EIF1AD: variants seen among roughly 807,000 people sequenced by gnomAD.
The protein encoded by EIF1AD is eukaryotic translation initiation factor 1A domain containing, also known as probable RNA-binding protein EIF1AD.
A neutral mutation model predicts 21.7 loss-of-function variants in EIF1AD; 9 were observed. The observed-to-expected ratio is 0.41, with a 90% CI of 0.25 to 0.72. EIF1AD has a LOEUF of 0.72. EIF1AD is among the 30% of genes least tolerant of loss of function. The pLI is 0.29. For missense variants in EIF1AD, 164 were observed against 199.7 expected (o/e 0.82, Z 1.08); for synonymous variants, 78 against 70.9 (o/e 1.10, Z -0.50).
chr11:65,999,583 G>A lies in EIF1AD; in HGVS notation c.289C>T (p.Gln97Ter). The A allele has an allele frequency of 1.9e-6, 3 of 1,613,596 alleles. No homozygotes were observed. Among genetic ancestry groups the A allele is most frequent in the Non-Finnish European group, 2.5e-6 (3 of 1,179,750 alleles). The change falls in exon 4 of 6, where the codon CAG becomes TAG. Residue 97 changes from glutamine to a stop codon, truncating the protein, a stop_gained. Coordinates refer to ENST00000533544, the MANE Select transcript of EIF1AD (RefSeq NM_001242481.2). LOFTEE classifies it high-confidence loss of function. ...ACCACCTACCAAAACCCCTCCTTCT[G>A]CAGAGAGCGCACGTGGTCCTTGCAG... ...VLCKDHVRSL[Q>*]KEGFWPEAFS...
In EIF1AD at chr11:66,000,239, C is replaced by T. The variant is rs1211672248; in HGVS notation, c.87+64G>A. On this transcript the variant is annotated intron_variant, in intron 2 of 5. Coordinates refer to ENST00000533544, the MANE Select transcript of EIF1AD (RefSeq NM_001242481.2). Reference sequence around the variant, plus strand: ...TCAGACACGCTGCACCCTACCCCCACCCCAGGGGCCCTCCAGGGCTGCAGG... The same window carrying T: ...TCAGACACGCTGCACCCTACCCCCATCCCAGGGGCCCTCCAGGGCTGCAGG... 23 of 1,609,538 alleles carry T rather than the reference C, an allele frequency of 1.4e-5. No homozygotes were observed. In the Admixed American group the frequency reaches 3.0e-4, roughly 21 times the overall value.
At chr11:66,001,704 G>T (rs764151500) in intron 1 of EIF1AD, among the ~76,000 whole-genome samples, 32 of 152,140 alleles carry the variant, frequency 2.1e-4, no homozygotes, top group Non-Finnish European at 3.8e-4. Context: ...CACCGTGATG[G>T]TTCAAGCCAG....
At position 65,996,672 on chromosome 11, in the gene EIF1AD, AACAG is replaced by A. The variant is rs1391757513; in HGVS notation, c.*1923_*1926del. The A allele has an allele frequency of 8.5e-5, 13 of 152,176 alleles. No homozygotes were observed. Among genetic ancestry groups the A allele is most frequent in the Admixed American group, 8.5e-4 (13 of 15,276 alleles). 9.4% of individuals were successfully genotyped at this position (152,176 alleles called of 1,614,324 possible). A position where few individuals can be genotyped will look rare whatever the true frequency, so the allele number is the denominator to read the frequency against. ...ACGCTATAAGAGAAAGTAAATGAGAAACAGACAAATGAAGTGGTAGCTGGAGGAC... is the reference window on the plus strand; with the variant it reads ...ACGCTATAAGAGAAAGTAAATGAGAAACAAATGAAGTGGTAGCTGGAGGAC... On this transcript the variant is annotated 3_prime_UTR_variant, in exon 6 of 6. Coordinates refer to ENST00000533544, the MANE Select transcript of EIF1AD (RefSeq NM_001242481.2).
rs763730593 is a variant in EIF1AD at position 66,000,106 on chromosome 11, C to T, written c.143G>A (p.Arg48His). ...LHEVETAQGQRFLVSMPSKYR... is the reference protein window; with the variant it reads ...LHEVETAQGQHFLVSMPSKYR... ...TTTGGAGGGCATGCTCACCAGGAAG[C>T]GCTGCCCTTGGGCTGTCTCCACCTC... Residue 48 changes from arginine (R) to histidine (H), a missense_variant, in exon 3 of 6, where the codon CGC (arginine) becomes CAC (histidine). Coordinates refer to ENST00000533544, the MANE Select transcript of EIF1AD (RefSeq NM_001242481.2). 1.1e-5 allele frequency: 17 copies of T among 1,614,056 alleles called. No individual in the cohort carries two copies. The highest frequency in any genetic ancestry group is 3.3e-4 in the Middle Eastern group (2 of 6,084).
rs886048511 is a variant in EIF1AD, at chr11:66,002,090, A to G, written c.-297T>C. 1 of 152,166 alleles carries G rather than the reference A, an allele frequency of 6.6e-6. No homozygotes were observed. Among genetic ancestry groups the G allele is most frequent in the African/African-American group, 2.4e-5 (1 of 41,400 alleles). The allele number at this position is 152,166 out of a possible 1,614,324, so 9.4% of individuals were successfully genotyped here. ...TAGAAATCAGGTCTCCAGTGTTCCC[A>G]GTTCCCACCAGTCCAACTGCGAGGA... On this transcript the variant is annotated 5_prime_UTR_variant, in exon 1 of 6. Coordinates refer to ENST00000533544, the MANE Select transcript of EIF1AD (RefSeq NM_001242481.2).
At chr11:65,999,864 C>T in intron 3 of EIF1AD, 189 bp from the exon 4 acceptor site, 2 of 639,180 alleles carry the variant, frequency 3.1e-6, no homozygotes, top group Admixed American at 2.8e-5. Flanking sequence ...CTGACTGCAG[C>T]CTCCACCTCC....
At chr11:65,999,252 C>A (rs541066274) in intron 5 of EIF1AD, 98 bp downstream of exon 5, 2 of 1,508,620 alleles carry the variant, frequency 1.3e-6, no homozygotes, top group African/African-American at 2.8e-5. Context: ...CAACAGATAC[C>A]CTATGTAAGG....
At chr11:65,999,757 T>C in intron 3 of EIF1AD, 82 bp from the exon 4 acceptor site, 4 of 949,168 alleles carry the variant, frequency 4.2e-6, no homozygotes. Flanking sequence ...TTCTATCTCC[T>C]AGAGAGGGCT....
intron 1 of EIF1AD, among the ~76,000 whole-genome samples, 155 bp downstream of exon 1, chr11:66,001,755 C>A (rs915613510): frequency 1.3e-5 from 2 of 152,132 alleles, no homozygotes; most frequent in Admixed American, 1.3e-4. Context: ...GGCTTGTCTG[C>A]GACATTTGCA....
At chr11:66,000,588 T>C in intron 1 of EIF1AD, 83 bp from the exon 2 acceptor site, 1 of 592,422 alleles carries the variant, frequency 1.7e-6, no homozygotes, top group Non-Finnish European at 3.0e-6. Context: ...TTGGTTTATT[T>C]CCTAACTATT....
At position 65,997,214 on chromosome 11, in the gene EIF1AD, C is replaced by G. The variant is rs1855754529; in HGVS notation, c.*1385G>C. 1 of 151,036 alleles carries G rather than the reference C, an allele frequency of 6.6e-6. No homozygotes were observed. The highest frequency in any genetic ancestry group is 6.6e-5 in the Admixed American group (1 of 15,058). The allele number at this position is 151,036 out of a possible 1,614,324, so 9.4% of individuals were successfully genotyped here. On this transcript the variant is annotated 3_prime_UTR_variant, in exon 6 of 6. Coordinates refer to ENST00000533544, the MANE Select transcript of EIF1AD (RefSeq NM_001242481.2). ...TGGTGGTGCACGCCTGTAGTCCAAG[C>G]TACTCGGGAGGCTGAGGCAGGAGAG... is the stretch of plus-strand genomic sequence containing the variant.
intron 3 of EIF1AD, 22 bp downstream of exon 3, chr11:66,000,031 A>T: frequency 3.2e-6 from 5 of 1,578,814 alleles, no homozygotes; most frequent in Non-Finnish European, 4.4e-6. Flanking sequence ...AAGTGCCAGG[A>T]TTACAGGAGT....
Position 65,998,714 on chromosome 11 carries a change from G to A in EIF1AD, c.383C>T (p.Pro128Leu), listed in dbSNP as rs1267221611. 1 of 1,614,030 alleles carries A rather than the reference G, an allele frequency of 6.2e-7. No individual in the cohort carries two copies. The highest frequency in any genetic ancestry group is 8.5e-7 in the Non-Finnish European group (1 of 1,180,030). ...GCTGGACTCCTCTCCTGATAACTGT[G>A]GCTCAGCTGGGAGTTCTGGTTGAGT... ...RQTQPELPAE[P>L]QLSGEESSSE... is the part of the protein sequence containing the mutation. Residue 128 changes from proline (P) to leucine (L), a missense_variant, in exon 6 of 6, where the codon CCA becomes CTA. Physicochemically the swap from Pro to Leu is moderately conservative, Grantham distance 98 (BLOSUM62 -3). Coordinates refer to ENST00000533544, the MANE Select transcript of EIF1AD (RefSeq NM_001242481.2).
rs546268354 is a variant in EIF1AD, at chr11:66,002,125, G to C, written c.-332C>G. On this transcript the variant is annotated 5_prime_UTR_variant, in exon 1 of 6. Coordinates refer to ENST00000533544, the MANE Select transcript of EIF1AD (RefSeq NM_001242481.2). The stretch of plus-strand genomic sequence containing the variant: ...AGTCCAACTGCGAGGAGTGCGACGT[G>C]AGTCTGAGTCTGATCCCTCCGAAAA... 7.9e-5 allele frequency: 12 copies of C among 152,342 alleles called. No homozygotes were observed. In the South Asian group the frequency reaches 8.3e-4, roughly 11 times the overall value. 9.4% of individuals were successfully genotyped at this position (152,342 alleles called of 1,614,324 possible).
chr11:66,000,383 G>C lies in EIF1AD; in HGVS notation c.7C>G (p.Gln3Glu). 6.2e-7 allele frequency: 1 copy of C among 1,608,870 alleles called. No individual in the cohort carries two copies. The highest frequency in any genetic ancestry group is 8.5e-7 in the Non-Finnish European group (1 of 1,177,590). Residue 3 changes from glutamine (Q) to glutamate (E), a missense_variant, in exon 2 of 6, where the codon CAG becomes GAG. Gln to Glu is a conservative substitution (Grantham distance 29, BLOSUM62 2). Coordinates refer to ENST00000533544, the MANE Select transcript of EIF1AD (RefSeq NM_001242481.2). The part of the protein sequence containing the change: MS[Q>E]ATKRKHVVKE... ...ACCACATGCTTCCTCTTGGTGGCCT[G>C]AGACATGCTGAAGTCGTCCCACACT...
chr11:66,000,976 T>G (rs1351377272), intron 1 of EIF1AD, among the ~76,000 whole-genome samples: 1 of 152,164 alleles, frequency 6.6e-6, no homozygotes, highest in African/African-American at 2.4e-5. Flanking sequence ...CTATTATGAC[T>G]TTTTCACGTA....
chr11:66,000,190 T>C, intron 2 of EIF1AD, 29 bp from the exon 3 acceptor site: 3 of 1,608,920 alleles, frequency 1.9e-6, no homozygotes, highest in Non-Finnish European at 2.6e-6. Flanking sequence ...AGAATCAGTC[T>C]CATCAGTCAG....
chr11:66,001,172 T>C (rs1478924727), intron 1 of EIF1AD, among the ~76,000 whole-genome samples: 1 of 152,132 alleles, frequency 6.6e-6, no homozygotes, highest in Non-Finnish European at 1.5e-5. Flanking sequence ...ATACAATGCA[T>C]GTCATGTAAA....
chr11:65,999,315 T>G (rs985580870), intron 5 of EIF1AD, 35 bp downstream of exon 5: 2 of 1,614,112 alleles, frequency 1.2e-6, no homozygotes, highest in Non-Finnish European at 1.7e-6. Context: ...AACCCCTTAT[T>G]TTCCATGTAC....
Sources: allele counts gnomAD v4.1 joint callset (sites outside exome capture counted in the v4.1 genomes callset), GRCh38; gene constraint gnomAD v4.1.1; transcripts MANE v1.5; gene names NCBI Gene and HGNC (gene_info 2026-07-23, HGNC 2026-07-21).